NOS1: variants seen among roughly 807,000 people sequenced by gnomAD.
NOS1 encodes the protein NOS type I.
Under a neutral mutation model 164.5 loss-of-function variants are expected in NOS1, and 51 were observed. That is an observed-to-expected ratio of 0.31 (90% confidence interval 0.25 to 0.39). The LOEUF is 0.39. Ranked by LOEUF, NOS1 falls within the 10% of genes least tolerant of loss-of-function variation. The probability of loss-of-function intolerance (pLI) is 1.00; values close to 1 mark genes in which losing one functional copy is unlikely to be tolerated. For synonymous variants in NOS1, 719 were observed against 745.8 expected, an observed-to-expected ratio of 0.96 and a Z score of 0.59; for missense variants, 1,362 against 1,885.6, an observed-to-expected ratio of 0.72 and a Z score of 5.14.
intron 2 of NOS1, among the ~76,000 whole-genome samples, chr12:117,313,591 C>T (rs185891444): frequency 4.2e-4 from 64 of 152,226 alleles, no homozygotes; most frequent in African/African-American, 1.1e-3. Flanking sequence ...CCACCATGCC[C>T]GGCCAGAATC....
At chr12:117,328,889 C>T (rs189774819) in intron 2 of NOS1, among the ~76,000 whole-genome samples, 74 of 152,348 alleles carry the variant, frequency 4.9e-4, no homozygotes, top group Non-Finnish European at 7.3e-4. Flanking sequence ...GATGGGAGAG[C>T]CTACTCCACA....
chr12:117,242,618 T>C lies in NOS1; in HGVS notation c.3041+9A>G. ...ACGTAGGTAACCCAGTGAACCAAGA[T>C]GTTCCTACCTGGATTTAGGGCTCTG... On this transcript the variant is annotated intron_variant, in intron 20 of 28. Coordinates refer to ENST00000317775, the MANE Select transcript of NOS1 (RefSeq NM_000620.5). 1 of 1,612,968 alleles carries C rather than the reference T, an allele frequency of 6.2e-7. No individual in the cohort carries two copies. Among genetic ancestry groups the C allele is most frequent in the Admixed American group, 1.7e-5 (1 of 60,010 alleles).
At chr12:117,266,364 T>G (rs1872415379) in intron 11 of NOS1, among the ~76,000 whole-genome samples, 1 of 152,150 alleles carries the variant, frequency 6.6e-6, no homozygotes, top group African/African-American at 2.4e-5. Flanking sequence ...CGATGTTTGG[T>G]TTTTCATTCC....
intron 8 of NOS1, among the ~76,000 whole-genome samples, chr12:117,280,504 C>T (rs907392211): frequency 1.3e-5 from 2 of 152,148 alleles, no homozygotes; most frequent in Non-Finnish European, 2.9e-5. Flanking sequence ...GAACAGTTCC[C>T]ATCAGGAGGG....
chr12:117,360,860 C>T (rs369636039), intron 1 of NOS1, among the ~76,000 whole-genome samples: 19 of 152,200 alleles, frequency 1.2e-4, no homozygotes, highest in African/African-American at 4.1e-4. Context: ...GTGCCAAGGG[C>T]TCCGCCATTA....
At chr12:117,284,977 G>A (rs1328990806) in intron 7 of NOS1, among the ~76,000 whole-genome samples, 1 of 151,380 alleles carries the variant, frequency 6.6e-6, no homozygotes, top group Non-Finnish European at 1.5e-5. Flanking sequence ...TTGAACCTGG[G>A]AGGCAGAGGT....
chr12:117,270,519 T>C (rs1367723431), intron 10 of NOS1, among the ~76,000 whole-genome samples: 3 of 151,886 alleles, frequency 2.0e-5, no homozygotes, highest in Non-Finnish European at 2.9e-5. Flanking sequence ...TAAATACATA[T>C]AAAACTGGAG....
intron 3 of NOS1, among the ~76,000 whole-genome samples, chr12:117,297,541 G>A (rs952637515): frequency 6.6e-6 from 1 of 152,138 alleles, no homozygotes; most frequent in Admixed American, 6.5e-5. Context: ...ACAGGCATGT[G>A]CCACCATGCC....
chr12:117,268,526 C>T (rs779123595), intron 10 of NOS1, among the ~76,000 whole-genome samples: 20 of 151,640 alleles, frequency 1.3e-4, no homozygotes, highest in Non-Finnish European at 2.2e-4. Flanking sequence ...GGCACCTTGC[C>T]TGGCCAAGAA....
At chr12:117,331,719 C>T (rs1875556376) in intron 1 of NOS1, among the ~76,000 whole-genome samples, 1 of 152,178 alleles carries the variant, frequency 6.6e-6, no homozygotes, top group Non-Finnish European at 1.5e-5. Flanking sequence ...GATCAAAGCC[C>T]TCTGGGACAA....
intron 1 of NOS1, among the ~76,000 whole-genome samples, chr12:117,347,678 G>A (rs184700830): frequency 3.3e-5 from 5 of 152,260 alleles, no homozygotes; most frequent in Admixed American, 6.5e-5. Context: ...GGTTCCAGTC[G>A]ATCCAGGTGT....
At chr12:117,252,228 A>G (rs1265863804) in intron 17 of NOS1, among the ~76,000 whole-genome samples, 5 of 152,244 alleles carry the variant, frequency 3.3e-5, no homozygotes. Context: ...CTATGAGAAG[A>G]CTGGAATTCA....
rs538036725 is a variant in NOS1 at position 117,328,915 on chromosome 12, G to A, written c.725+1430C>T. ...CTACTCCACACCTAGGCTATACGGT[G>A]TAGCCTAATGCCTCCAGGCTACAAA... On this transcript the variant is annotated intron_variant, in intron 2 of 28. Transcript: ENST00000317775. Among the ~76,000 whole-genome samples, 4 of 152,368 alleles carry A rather than the reference G, an allele frequency of 2.6e-5. No homozygotes were observed. The South Asian group carries it at 8.3e-4, about 32-fold the overall frequency.
At chr12:117,322,164 CCTT>C (rs1243535775) in intron 2 of NOS1, among the ~76,000 whole-genome samples, 1 of 129,034 alleles carries the variant, frequency 7.7e-6, no homozygotes, top group Non-Finnish European at 1.6e-5. Flanking sequence ...CTCCCTCCTT[CCTT>C]CTTTTTCCTT....
chr12:117,258,769 G>A (rs1871661038), intron 15 of NOS1, among the ~76,000 whole-genome samples: 3 of 152,186 alleles, frequency 2.0e-5, no homozygotes, highest in Non-Finnish European at 4.4e-5. Flanking sequence ...CTAATGATAG[G>A]AGCAGCCACT....
intron 1 of NOS1, among the ~76,000 whole-genome samples, chr12:117,334,538 G>A (rs1032294664): frequency 3.3e-5 from 5 of 151,860 alleles, no homozygotes; most frequent in Admixed American, 3.3e-4. Flanking sequence ...CTGGGATTAC[G>A]GCTCCCGCCA....
At chr12:117,275,165 C>T (rs1016112013) in intron 9 of NOS1, among the ~76,000 whole-genome samples, 4 of 151,964 alleles carry the variant, frequency 2.6e-5, no homozygotes, top group Non-Finnish European at 5.9e-5. Flanking sequence ...TATATATATA[C>T]ACCTACTATC....
In NOS1 at chr12:117,212,102, A is replaced by G; in HGVS notation, c.*3207T>C. On this transcript the variant is annotated 3_prime_UTR_variant, in exon 29 of 29. Transcript: ENST00000317775. ...GATTCTAACCTTCTGCACGAGAGGA[A>G]CTGTGTTTTGCTTATCTCTGCAAAC... 1 of 985,198 alleles carries G rather than the reference A, an allele frequency of 1.0e-6. No individual in the cohort carries two copies. Among genetic ancestry groups the G allele is most frequent in the Non-Finnish European group, 1.2e-6 (1 of 829,792 alleles). 61.0% of individuals were successfully genotyped at this position (985,198 alleles called of 1,614,324 possible).
At position 117,212,222 on chromosome 12, in the gene NOS1, G is replaced by A; in HGVS notation, c.*3087C>T. On this transcript the variant is annotated 3_prime_UTR_variant, in exon 29 of 29. Transcript: ENST00000317775. ...AAGTTTTGAACCAGGTACTGTAACTGGGCATTTCGTGGGCATTGTCTCATT... is the reference window on the plus strand; with the variant it reads ...AAGTTTTGAACCAGGTACTGTAACTAGGCATTTCGTGGGCATTGTCTCATT... The A allele has an allele frequency of 1.0e-6, 1 of 985,312 alleles. No homozygotes were observed. The highest frequency in any genetic ancestry group is 1.2e-6 in the Non-Finnish European group (1 of 829,906). 61.0% of individuals were successfully genotyped at this position (985,312 alleles called of 1,614,324 possible). A position where few individuals can be genotyped will look rare whatever the true frequency, so the allele number is the denominator to read the frequency against.
Sources: allele counts gnomAD v4.1 joint callset (sites outside exome capture counted in the v4.1 genomes callset), GRCh38; gene constraint gnomAD v4.1.1; transcripts MANE v1.5; gene names NCBI Gene and HGNC (gene_info 2026-07-23, HGNC 2026-07-21).